CD58: variants seen among roughly 807,000 people sequenced by gnomAD.
CD58 encodes the protein lymphocyte function-associated antigen 3.
A neutral mutation model predicts 27.6 loss-of-function variants in CD58; 14 were observed. The observed-to-expected ratio is 0.51, with a 90% CI of 0.34 to 0.79. CD58 has a LOEUF of 0.79. Ranked by LOEUF, CD58 falls within the 30% of genes least tolerant of loss-of-function variation. CD58 has a pLI of 0.02. For missense variants in CD58, 268 were observed against 301.7 expected, an observed-to-expected ratio of 0.89 and a Z score of 0.83; for synonymous variants, 117 against 103.8, an observed-to-expected ratio of 1.13 and a Z score of -0.77.
At chr1:116,562,524 C>T (rs987315952) in intron 1 of CD58, among the ~76,000 whole-genome samples, 3 of 152,046 alleles carry the variant, frequency 2.0e-5, no homozygotes, top group Non-Finnish European at 4.4e-5. Flanking sequence ...AGTCCATTCT[C>T]GCACTGCTAA....
rs757053194 is a variant in CD58, at chr1:116,517,846, A to G, written c.743+1385T>C. Among the ~76,000 whole-genome samples, 3 of 152,182 alleles carry G rather than the reference A, an allele frequency of 2.0e-5. No homozygotes were observed. The highest frequency in any genetic ancestry group is 4.4e-5 in the Non-Finnish European group (3 of 68,036). On this transcript the variant is annotated intron_variant, in intron 5 of 5. Transcript: ENST00000369489. This position sits in a 1 kb window ranked among gnomAD's most constrained non-coding sequence, Gnocchi z 6.5. ...ATGGACATCACTAGCCAGGTAATAC[A>G]CCAGCACCCCAAAATCAACCTGTCA...
At chr1:116,562,035 C>A (rs1658772579) in intron 1 of CD58, among the ~76,000 whole-genome samples, 1 of 152,098 alleles carries the variant, frequency 6.6e-6, no homozygotes, top group Admixed American at 6.5e-5. Context: ...AAAACACAGA[C>A]TGTCTAAGTC....
Position 116,570,071 on chromosome 1 carries a change from C to A in CD58, c.70+832G>T, listed in dbSNP as rs1249771149. ...GAGGGCTGGCAGTGGGGTGCAGGAG[C>A]CAGCCATGAGAACCCCTCAAGTACA... On this transcript the variant is annotated intron_variant, in intron 1 of 5. Coordinates refer to ENST00000369489, the MANE Select transcript of CD58 (RefSeq NM_001779.3). The surrounding 1 kb of genome is among the most constrained non-coding windows in gnomAD (Gnocchi z 6.4). 6.6e-6 allele frequency among the ~76,000 whole-genome samples: 1 copy of A among 152,218 alleles called. No homozygotes were observed. Among genetic ancestry groups the A allele is most frequent in the Admixed American group, 6.5e-5 (1 of 15,280 alleles).
chr1:116,563,417 A>G lies in CD58; in HGVS notation c.70+7486T>C, dbSNP rs762695617. ...ATGGCCCTCTTCTCACAGCTCCACTAGGCGGTGCCCCAGTGGGGACTCTGT... is the reference window on the plus strand; with the variant it reads ...ATGGCCCTCTTCTCACAGCTCCACTGGGCGGTGCCCCAGTGGGGACTCTGT... On this transcript the variant is annotated intron_variant, in intron 1 of 5. Coordinates refer to ENST00000369489, the MANE Select transcript of CD58 (RefSeq NM_001779.3). The surrounding 1 kb of genome is among the most constrained non-coding windows in gnomAD (Gnocchi z 4.1). Among the ~76,000 whole-genome samples the G allele has an allele frequency of 6.6e-6, 1 of 152,086 alleles. No homozygotes were observed. The highest frequency in any genetic ancestry group is 1.5e-5 in the Non-Finnish European group (1 of 67,978).
intron 2 of CD58, among the ~76,000 whole-genome samples, chr1:116,537,481 A>G (rs1299331275): frequency 1.3e-5 from 2 of 152,246 alleles, no homozygotes; most frequent in East Asian, 3.8e-4. Flanking sequence ...AGGTGGAGCT[A>G]CACAGAGCCT....
Position 116,557,309 on chromosome 1 carries a change from A to G in CD58, c.71-12705T>C, listed in dbSNP as rs1397838033. Among the ~76,000 whole-genome samples the G allele has an allele frequency of 6.6e-6, 1 of 152,198 alleles. No homozygotes were observed. The highest frequency in any genetic ancestry group is 2.4e-5 in the African/African-American group (1 of 41,448). On this transcript the variant is annotated intron_variant, in intron 1 of 5. Coordinates refer to ENST00000369489, the MANE Select transcript of CD58 (RefSeq NM_001779.3). This position sits in a 1 kb window ranked among gnomAD's most constrained non-coding sequence, Gnocchi z 5.2. ...GGAGAAAGAAGTTTAACTGGAGCTT[A>G]AAAATAAAATGGCTCAGGAGCCCTC...
At chr1:116,544,273 T>C (rs1658081821) in intron 2 of CD58, 38 bp downstream of exon 2, 1 of 1,447,274 alleles carries the variant, frequency 6.9e-7, no homozygotes. Context: ...AAAATGGAAA[T>C]TTGCCATTTT....
At chr1:116,569,442 C>T (rs902552728) in intron 1 of CD58, among the ~76,000 whole-genome samples, 5 of 152,142 alleles carry the variant, frequency 3.3e-5, no homozygotes, top group African/African-American at 1.2e-4. Flanking sequence ...AGGGGACACT[C>T]AGCAATCTTT....
At position 116,517,059 on chromosome 1, in the gene CD58, C is replaced by T. The variant is rs1657104847; in HGVS notation, c.743+2172G>A. Among the ~76,000 whole-genome samples, 1 of 152,082 alleles carries T rather than the reference C, an allele frequency of 6.6e-6. No homozygotes were observed. Among genetic ancestry groups the T allele is most frequent in the African/African-American group, 2.4e-5 (1 of 41,412 alleles). Reference sequence around the variant, plus strand: ...GAATGCCCATCCCCTTTCCCCGTGGCCCTGGATGATGCCCCCCTACCCCCA... The same window carrying T: ...GAATGCCCATCCCCTTTCCCCGTGGTCCTGGATGATGCCCCCCTACCCCCA... On this transcript the variant is annotated intron_variant, in intron 5 of 5. Transcript: ENST00000369489. The surrounding 1 kb of genome is among the most constrained non-coding windows in gnomAD (Gnocchi z 6.5).
At chr1:116,548,391 GT>G (rs1160428273) in intron 1 of CD58, among the ~76,000 whole-genome samples, 7 of 152,096 alleles carry the variant, frequency 4.6e-5, no homozygotes, top group African/African-American at 7.2e-5. Flanking sequence ...GTCTAGAAGA[GT>G]TTTTCTGATG....
In CD58 at chr1:116,532,921, G is replaced by T; in HGVS notation, c.628+3044C>A. On this transcript the variant is annotated intron_variant, in intron 3 of 5. Transcript: ENST00000369489. This position sits in a 1 kb window ranked among gnomAD's most constrained non-coding sequence, Gnocchi z 5.1. ...AGTCGCGACAGCCGGTCTGCCAGGC[G>T]CCCACCTCCACTTCCTACTGCTGCT... The T allele has an allele frequency of 9.5e-7, 1 of 1,058,060 alleles. No homozygotes were observed. 65.5% of individuals were successfully genotyped at this position (1,058,060 alleles called of 1,614,324 possible). A position where few individuals can be genotyped will look rare whatever the true frequency, so the allele number is the denominator to read the frequency against.
chr1:116,539,570 CA>C (rs1239201370), intron 2 of CD58, among the ~76,000 whole-genome samples: 5 of 152,128 alleles, frequency 3.3e-5, no homozygotes, highest in Non-Finnish European at 7.4e-5. Context: ...TCAGGGGAAA[CA>C]TGAAGAAGTG....
rs1404878564 is a variant in CD58, at chr1:116,524,163, A to C, written c.629-2180T>G. ...AATGCATTCCATGCCCCAGGTATGG[A>C]ATCAGCCAACTGTCCCAAAGGCCCT... is the stretch of plus-strand genomic sequence containing the variant. On this transcript the variant is annotated intron_variant, in intron 3 of 5. Transcript: ENST00000369489. The surrounding 1 kb of genome is among the most constrained non-coding windows in gnomAD (Gnocchi z 4.6). Among the ~76,000 whole-genome samples, 1 of 152,184 alleles carries C rather than the reference A, an allele frequency of 6.6e-6. No individual in the cohort carries two copies. Among genetic ancestry groups the C allele is most frequent in the Non-Finnish European group, 1.5e-5 (1 of 68,038 alleles).
rs1303191960 is a variant in CD58, at chr1:116,533,215, A to G, written c.628+2750T>C. 3 of 779,434 alleles carry G rather than the reference A, an allele frequency of 3.8e-6. No homozygotes were observed. In the East Asian group the frequency reaches 7.4e-5, roughly 19 times the overall value. The allele number at this position is 779,434 out of a possible 1,614,324, so 48.3% of individuals were successfully genotyped here. A position where few individuals can be genotyped will look rare whatever the true frequency, so the allele number is the denominator to read the frequency against. On this transcript the variant is annotated intron_variant, in intron 3 of 5. Coordinates refer to ENST00000369489, the MANE Select transcript of CD58 (RefSeq NM_001779.3). Reference sequence around the variant, plus strand: ...CCAGATGCTTTCAGTGGATTGAAGAAGTTGAAAAATGACTCATTGGATACT... The same window carrying G: ...CCAGATGCTTTCAGTGGATTGAAGAGGTTGAAAAATGACTCATTGGATACT...
chr1:116,537,889 C>A (rs1657868004), intron 2 of CD58, among the ~76,000 whole-genome samples: 2 of 152,126 alleles, frequency 1.3e-5, no homozygotes, highest in African/African-American at 4.8e-5. Flanking sequence ...CTAAAAAGAG[C>A]ATTTAAGTAA....
rs1204791310 is a variant in CD58 at position 116,563,490 on chromosome 1, G to T, written c.70+7413C>A. 6.6e-6 allele frequency among the ~76,000 whole-genome samples: 1 copy of T among 152,122 alleles called. No homozygotes were observed. The highest frequency in any genetic ancestry group is 1.5e-5 in the Non-Finnish European group (1 of 67,998). ...TCCCTTCCACACTGCCCTAGCAGAGGTTCTCCATGAGGGTCCCACTCCTGC... is the reference window on the plus strand; with the variant it reads ...TCCCTTCCACACTGCCCTAGCAGAGTTTCTCCATGAGGGTCCCACTCCTGC... On this transcript the variant is annotated intron_variant, in intron 1 of 5. Transcript: ENST00000369489. This position sits in a 1 kb window ranked among gnomAD's most constrained non-coding sequence, Gnocchi z 4.1.
intron 5 of CD58, chr1:116,518,965 C>A: frequency 1.0e-6 from 1 of 997,836 alleles, no homozygotes; most frequent in Non-Finnish European, 1.4e-6. Context: ...ATCTCATATG[C>A]GCTGTCTCTA....
intron 2 of CD58, among the ~76,000 whole-genome samples, chr1:116,540,584 C>T (rs1052094279): frequency 2.6e-5 from 4 of 152,118 alleles, no homozygotes; most frequent in African/African-American, 9.7e-5. Flanking sequence ...CTTCCTTGCT[C>T]CAGTATAGGA....
At position 116,544,630 on chromosome 1, in the gene CD58, G is replaced by A. The variant is rs748450348; in HGVS notation, c.71-26C>T. On this transcript the variant is annotated intron_variant, in intron 1 of 5. Coordinates refer to ENST00000369489, the MANE Select transcript of CD58 (RefSeq NM_001779.3). ...CTAGGAGAGAAAAAAAAATTGGTTA[G>A]AAAAAACAACATGACTTTGGTGGCA... 9 of 1,511,012 alleles carry A rather than the reference G, an allele frequency of 6.0e-6. No individual in the cohort carries two copies. In the Admixed American group the frequency reaches 2.0e-4, roughly 34 times the overall value. The allele number at this position is 1,511,012 out of a possible 1,614,324, so 93.6% of individuals were successfully genotyped here.
Sources: gnomAD v4.1 joint callset for allele counts (sites outside exome capture counted in the v4.1 genomes callset) on GRCh38, gnomAD v4.1.1 for gene constraint, Gnocchi (gnomAD v3.1) non-coding constraint, MANE v1.5 for transcripts, NCBI Gene and HGNC (gene_info 2026-07-23, HGNC 2026-07-21) for gene names.